The following HOOK2 variants were observed in gnomAD, a reference collection of about 807,000 sequenced individuals.
HOOK2 encodes protein Hook homolog 2.
Under a neutral mutation model 111.9 loss-of-function variants are expected in HOOK2, and 108 were observed. The observed-to-expected ratio is 0.96, with a 90% confidence interval of 0.83 to 1.13. The LOEUF (loss-of-function observed/expected upper bound fraction) is 1.13, where lower values mean the gene tolerates loss of function less well. HOOK2 is among the 50% of genes most tolerant of loss of function. The pLI is 0.00. For missense variants in HOOK2, 978 were observed against 951.3 expected (o/e 1.03, Z -0.37); for synonymous variants, 405 against 394.3 (o/e 1.03, Z -0.32).
At chr19:12,783,423 C>G (rs1476821771), upstream of HOOK2, among the ~76,000 whole-genome samples, 6 of 150,384 alleles carry the variant, frequency 4.0e-5, no homozygotes. Flanking sequence ...CAGAGCCCGT[C>G]GCGGCGATGA....
At chr19:12,785,651 C>T (rs1384029687) in intron 3 of HOOK2, among the ~76,000 whole-genome samples, 1 of 152,184 alleles carries the variant, frequency 6.6e-6, no homozygotes, top group Non-Finnish European at 1.5e-5. Context: ...GGGCTGGGCA[C>T]AGAAGCGGGC....
Position 12,770,092 on chromosome 19 carries a change from T to A in HOOK2, c.903-10A>T, listed in dbSNP as rs1454375452. On this transcript the variant is annotated splice_polypyrimidine_tract_variant and intron_variant, in intron 10 of 22. Transcript: ENST00000397668. ...ACGCTCCGAAGACTGCCTAGGGGAG[T>A]GGGAGGGAAGGGGGAGGGCTGAGAG... The A allele has an allele frequency of 6.8e-7, 1 of 1,473,574 alleles. No individual in the cohort carries two copies. The allele number at this position is 1,473,574 out of a possible 1,614,324, so 91.3% of individuals were successfully genotyped here. A position where few individuals can be genotyped will look rare whatever the true frequency, so the allele number is the denominator to read the frequency against.
chr19:12,765,140 C>T lies in HOOK2; in HGVS notation c.1641-59G>A, dbSNP rs146075491. 208 of 1,556,850 alleles carry T rather than the reference C, an allele frequency of 1.3e-4. No individual in the cohort carries two copies. In the African/African-American group the frequency reaches 2.1e-3, roughly 16 times the overall value. On this transcript the variant is annotated intron_variant, in intron 18 of 22. Coordinates refer to ENST00000397668, the MANE Select transcript of HOOK2 (RefSeq NM_013312.3). ...CTCCGGGCTGGCTTCTCTTTTGTCC[C>T]AGTGGTAGCCACAGACCTCCCCGCC...
In HOOK2 at chr19:12,775,547, C is replaced by G; in HGVS notation, c.-98G>C. On this transcript the variant is annotated 5_prime_UTR_variant, in exon 1 of 23. Transcript: ENST00000397668. ...GCGCCCGCAGCCCCGACCTCCCGCTCGGCCTAGAGCGCCGCCCCGCCCCGC... is the reference window on the plus strand; with the variant it reads ...GCGCCCGCAGCCCCGACCTCCCGCTGGGCCTAGAGCGCCGCCCCGCCCCGC... 1.6e-6 allele frequency: 2 copies of G among 1,264,788 alleles called. No homozygotes were observed. Among genetic ancestry groups the G allele is most frequent in the Non-Finnish European group, 1.0e-6 (1 of 965,814 alleles). The allele number at this position is 1,264,788 out of a possible 1,614,324, so 78.3% of individuals were successfully genotyped here.
chr19:12,764,926 A>G lies in HOOK2; in HGVS notation c.1724-9T>C. The stretch of plus-strand genomic sequence containing the variant: ...CTCGATCCGCCGGGCTGCTGGCGGA[A>G]GAGGTGGCCCATCAGCTCCACGCTG... On this transcript the variant is annotated splice_polypyrimidine_tract_variant and intron_variant, in intron 19 of 22. Coordinates refer to ENST00000397668, the MANE Select transcript of HOOK2 (RefSeq NM_013312.3). 4.3e-6 allele frequency: 7 copies of G among 1,614,024 alleles called. No individual in the cohort carries two copies. The highest frequency in any genetic ancestry group is 5.9e-6 in the Non-Finnish European group (7 of 1,179,976).
upstream of HOOK2, among the ~76,000 whole-genome samples, chr19:12,781,269 C>T (rs1302253426): frequency 1.3e-5 from 2 of 148,800 alleles, no homozygotes; most frequent in Non-Finnish European, 3.0e-5. Context: ...TGCCACTGCA[C>T]TCCAGCCTGG....
chr19:12,766,301 C>T, intron 14 of HOOK2, 61 bp from the exon 15 acceptor site: 10 of 1,467,560 alleles, frequency 6.8e-6, no homozygotes, highest in Non-Finnish European at 9.0e-6. Flanking sequence ...CTCGCTGGGG[C>T]TCAGGGAGAG....
In HOOK2 at chr19:12,766,253, G is replaced by A; in HGVS notation, c.1374-13C>T. 1 of 1,556,598 alleles carries A rather than the reference G, an allele frequency of 6.4e-7. No individual in the cohort carries two copies. The highest frequency in any genetic ancestry group is 8.6e-7 in the Non-Finnish European group (1 of 1,157,396). ...CAGGAGCGTCTCCCTGCAGACCCGG[G>A]AGGAGAGAGCAGGGCCAGGGTCGAG... On this transcript the variant is annotated splice_polypyrimidine_tract_variant and intron_variant, in intron 14 of 22. Coordinates refer to ENST00000397668, the MANE Select transcript of HOOK2 (RefSeq NM_013312.3).
At chr19:12,774,515 A>G (rs1199331267) in intron 3 of HOOK2, 154 bp downstream of exon 3, 1 of 732,122 alleles carries the variant, frequency 1.4e-6, no homozygotes, top group Admixed American at 2.1e-5. Context: ...GGCCTGGCAC[A>G]GGGTGAGTAC....
chr19:12,769,818 G>A (rs2145749984), intron 11 of HOOK2, 63 bp downstream of exon 11: 2 of 1,312,330 alleles, frequency 1.5e-6, no homozygotes, highest in East Asian at 3.1e-5. Context: ...CGGAGGGCTG[G>A]CCAACGGTGA....
At chr19:12,780,613 C>T (rs1462367861), upstream of HOOK2, among the ~76,000 whole-genome samples, 1 of 145,528 alleles carries the variant, frequency 6.9e-6, no homozygotes, top group East Asian at 2.1e-4. Flanking sequence ...ACCTCGGCCT[C>T]CCAAAGTGCT....
At chr19:12,770,190 G>C (rs1025487420) in intron 10 of HOOK2, 108 bp from the exon 11 acceptor site, 1 of 999,420 alleles carries the variant, frequency 1.0e-6, no homozygotes, top group Non-Finnish European at 1.4e-6. Flanking sequence ...GAGGCTTTTG[G>C]GTTCAAGGTG....
At chr19:12,764,432 T>C (rs1386794662) in intron 20 of HOOK2, 1 of 167,922 alleles carries the variant, frequency 6.0e-6, no homozygotes, top group Non-Finnish European at 1.2e-5. Context: ...CGGGTTCAAA[T>C]GATTTTCCTG....
chr19:12,774,240 G>A, intron 3 of HOOK2: 1 of 219,730 alleles, frequency 4.6e-6, no homozygotes, highest in Non-Finnish European at 9.4e-6. Context: ...CAAGTAACTG[G>A]GATTACAGGT....
intron 11 of HOOK2, among the ~76,000 whole-genome samples, chr19:12,768,749 AG>A (rs1477819716): frequency 2.8e-4 from 42 of 152,058 alleles, no homozygotes; most frequent in Non-Finnish European, 5.9e-5. Context: ...CTGGGATTAT[AG>A]GCATGAGTCA....
At chr19:12,783,376 C>T (rs1968626809), upstream of HOOK2, among the ~76,000 whole-genome samples, 1 of 148,050 alleles carries the variant, frequency 6.8e-6, no homozygotes, top group South Asian at 2.1e-4. Context: ...GGGAACCCAG[C>T]CCCCAACCCC....
chr19:12,789,203 G>A, intron 3 of HOOK2, among the ~76,000 whole-genome samples: 1 of 150,972 alleles, frequency 6.6e-6, no homozygotes, highest in African/African-American at 2.4e-5. Flanking sequence ...CAAAGAGAGA[G>A]AGAGAGAGAC....
rs1968696022 is a variant in HOOK2 at position 12,790,178 on chromosome 19, C to A, written n.42-15953G>T. On this transcript the variant is annotated intron_variant and non_coding_transcript_variant, in intron 3 of 3. Coordinates refer to the HOOK2 transcript ENST00000589765. This position sits in a 1 kb window ranked among gnomAD's most constrained non-coding sequence, Gnocchi z 7.2. The stretch of plus-strand genomic sequence containing the variant: ...GTGGCTGGAGGCTGCCGCGGCTGGG[C>A]GGGCTCCAAGCACCCGGGCCTCCGC... Among the ~76,000 whole-genome samples the A allele has an allele frequency of 6.6e-6, 1 of 152,162 alleles. No homozygotes were observed. The highest frequency in any genetic ancestry group is 2.1e-4 in the South Asian group (1 of 4,832).
chr19:12,764,950 T>TG, intron 19 of HOOK2, 33 bp from the exon 20 acceptor site: 1 of 1,613,196 alleles, frequency 6.2e-7, no homozygotes, highest in South Asian at 1.1e-5. Context: ...AGCTCCACGC[T>TG]GCTGGGCTCT....
Sources: allele counts gnomAD v4.1 joint callset (sites outside exome capture counted in the v4.1 genomes callset), GRCh38; gene constraint gnomAD v4.1.1; non-coding constraint Gnocchi (gnomAD v3.1); transcripts MANE v1.5; gene names NCBI Gene and HGNC (gene_info 2026-07-23, HGNC 2026-07-21).